GRAMD1B: variants seen among roughly 807,000 people sequenced by gnomAD.
GRAMD1B encodes protein Aster-B.
GRAMD1B carries 37 observed loss-of-function variants against 99.7 expected under a neutral mutation model. The ratio of observed to expected loss-of-function variants is 0.37; its 90% confidence interval spans 0.29 to 0.49. The LOEUF (loss-of-function observed/expected upper bound fraction) is 0.49. GRAMD1B is among the 20% of genes least tolerant of loss of function. The probability of loss-of-function intolerance (pLI) is 0.98; values close to 1 mark genes in which losing one functional copy is unlikely to be tolerated. For missense variants in GRAMD1B, 888 were observed against 1,009.2 expected (o/e 0.88, Z 1.63); for synonymous variants, 427 against 387.6 (o/e 1.10, Z -1.19).
In GRAMD1B at chr11:123,454,828, A is replaced by G. The variant is rs546776926; in HGVS notation, c.374+23662A>G. 6 of 152,336 alleles carry G rather than the reference A, an allele frequency of 3.9e-5. No homozygotes were observed. In the East Asian group the frequency reaches 1.2e-3, roughly 29 times the overall value. The allele number at this position is 152,336 out of a possible 1,614,324, so 9.4% of individuals were successfully genotyped here. A position where few individuals can be genotyped will look rare whatever the true frequency, so the allele number is the denominator to read the frequency against. ...AGTCTGAGGTTGTAAAGAAGAACCA[A>G]GGTAAGATTTAAAGATTGCCTCTGA... On this transcript the variant is annotated intron_variant, in intron 1 of 19. Coordinates refer to ENST00000635736, the MANE Select transcript of GRAMD1B (RefSeq NM_001387025.1).
chr11:123,370,000 A>G (rs1196905674), intron 1 of GRAMD1B, among the ~76,000 whole-genome samples: 1 of 151,874 alleles, frequency 6.6e-6, no homozygotes, highest in African/African-American at 2.4e-5. Flanking sequence ...GATGTGAAGG[A>G]CCCCTGGAAG....
Position 123,605,440 on chromosome 11 carries a change from A to G in GRAMD1B, c.1285A>G (p.Thr429Ala). Residue 429 changes from threonine (T) to alanine (A), a missense_variant, in exon 10 of 20, where the codon ACA becomes GCA. Physicochemically the swap from Thr to Ala is moderately conservative, Grantham distance 58. Around this residue, in one of 5 missense-constraint regions of GRAMD1B, gnomAD observed 269 missense variants for 296.6 expected, o/e 0.91. Transcript: ENST00000635736. Reference protein sequence around the residue: ...QLPKKSITNSTLTSTGSSEAP... With the variant: ...QLPKKSITNSALTSTGSSEAP... ...GCCCAAGAAATCCATCACCAACAGCACACTAACATCCACAGGGAGCAGTGA... is the reference window on the plus strand; with the variant it reads ...GCCCAAGAAATCCATCACCAACAGCGCACTAACATCCACAGGGAGCAGTGA... The G allele has an allele frequency of 1.9e-6, 3 of 1,613,276 alleles. No individual in the cohort carries two copies. Among genetic ancestry groups the G allele is most frequent in the Non-Finnish European group, 2.5e-6 (3 of 1,179,494 alleles).
At chr11:123,388,129 CAA>C (rs34085785) in intron 1 of GRAMD1B, among the ~76,000 whole-genome samples, 3,798 of 71,508 alleles carry the variant, frequency 0.053, 113 homozygotes, top group African/African-American at 0.17. Flanking sequence ...TCCTCCTCCT[CAA>C]AAAAAAAAAA....
At chr11:123,503,450 C>T (rs1012442478) in intron 2 of GRAMD1B, among the ~76,000 whole-genome samples, 2 of 152,188 alleles carry the variant, frequency 1.3e-5, no homozygotes, top group Admixed American at 1.3e-4. Flanking sequence ...ACCCCCCACC[C>T]ATACCCCTAA....
At chr11:123,530,465 C>T (rs1415288640) in intron 2 of GRAMD1B, among the ~76,000 whole-genome samples, 2 of 152,172 alleles carry the variant, frequency 1.3e-5, no homozygotes, top group East Asian at 1.9e-4. Context: ...GCAACTTCCC[C>T]GTCCCCCCGG....
chr11:123,608,523 C>T (rs1321138245), intron 11 of GRAMD1B, 136 bp from the exon 12 acceptor site: 1 of 1,541,804 alleles, frequency 6.5e-7, no homozygotes. Context: ...CTCAGCTGTC[C>T]TGCTCCGTGT....
intron 2 of GRAMD1B, among the ~76,000 whole-genome samples, chr11:123,569,425 C>A (rs532650718): frequency 9.8e-4 from 149 of 152,220 alleles, no homozygotes; most frequent in African/African-American, 3.5e-3. Flanking sequence ...TTGGGTCTGC[C>A]CTTCCCACCT....
intron 1 of GRAMD1B, among the ~76,000 whole-genome samples, chr11:123,452,335 G>T (rs969186132): frequency 1.3e-5 from 2 of 152,174 alleles, no homozygotes; most frequent in Admixed American, 1.3e-4. Context: ...TCTTGTGAAG[G>T]ACATTTTTTC....
intron 2 of GRAMD1B, among the ~76,000 whole-genome samples, chr11:123,557,416 G>C (rs955880593): frequency 6.6e-6 from 1 of 152,158 alleles, no homozygotes; most frequent in Non-Finnish European, 1.5e-5. Context: ...CACATACTTC[G>C]TGCATCTTAA....
At chr11:123,480,396 C>T (rs939173573) in intron 1 of GRAMD1B, among the ~76,000 whole-genome samples, 2 of 152,046 alleles carry the variant, frequency 1.3e-5, no homozygotes, top group Non-Finnish European at 2.9e-5. Flanking sequence ...CATCTCACAC[C>T]CTCCCCACAA....
chr11:123,441,013 T>C (rs2134263772), intron 1 of GRAMD1B, among the ~76,000 whole-genome samples: 1 of 152,264 alleles, frequency 6.6e-6, no homozygotes, highest in Middle Eastern at 3.4e-3. Context: ...AGATGTGCCT[T>C]TCACCTTCCA....
At chr11:123,559,568 T>C (rs765465703) in intron 2 of GRAMD1B, 1 of 519,822 alleles carries the variant, frequency 1.9e-6, no homozygotes, top group Non-Finnish European at 2.5e-6. Flanking sequence ...CTGCCAGAAC[T>C]TTCCTCTGGG....
chr11:123,383,450 C>T (rs914209433), intron 1 of GRAMD1B, among the ~76,000 whole-genome samples: 2 of 152,174 alleles, frequency 1.3e-5, no homozygotes, highest in Non-Finnish European at 2.9e-5. Flanking sequence ...TAATGTTAAA[C>T]TCCTTGCAAG....
chr11:123,511,997 A>G (rs1457377157), intron 2 of GRAMD1B, among the ~76,000 whole-genome samples: 1 of 152,254 alleles, frequency 6.6e-6, no homozygotes, highest in Admixed American at 6.5e-5. Context: ...CAGTTTTCTT[A>G]GAAAGGAGCC....
intron 1 of GRAMD1B, among the ~76,000 whole-genome samples, chr11:123,477,000 T>G (rs75819971): frequency 0.093 from 14,179 of 152,262 alleles, 754 homozygotes; most frequent in Middle Eastern, 0.15. Flanking sequence ...TTCTAAGCAC[T>G]TTGAGAGCAG....
intron 2 of GRAMD1B, among the ~76,000 whole-genome samples, chr11:123,547,722 A>G (rs1945157705): frequency 6.6e-6 from 1 of 152,144 alleles, no homozygotes; most frequent in South Asian, 2.1e-4. Flanking sequence ...GGGTTTTTAG[A>G]CCCACACTGT....
chr11:123,512,226 C>T (rs78441043), intron 2 of GRAMD1B, among the ~76,000 whole-genome samples: 2 of 152,174 alleles, frequency 1.3e-5, no homozygotes, highest in African/African-American at 4.8e-5. Flanking sequence ...GCAGTTTGCT[C>T]TCTGGTGGGA....
At chr11:123,368,557 G>A (rs145967023) in intron 1 of GRAMD1B, among the ~76,000 whole-genome samples, 6 of 151,634 alleles carry the variant, frequency 4.0e-5, no homozygotes, top group South Asian at 2.1e-4. Context: ...GTGTGTGCCT[G>A]TAATCCCAGC....
rs12283965 is a variant in GRAMD1B at position 123,424,658 on chromosome 11, T to C, written c.-175-56158T>C. Among the ~76,000 whole-genome samples the C allele has an allele frequency of 6.3e-3, 955 of 152,370 alleles. 10 individuals are homozygous for C. The highest frequency in any genetic ancestry group is 0.022 in the African/African-American group (916 of 41,590). On this transcript the variant is annotated intron_variant, in intron 1 of 20. Coordinates refer to the GRAMD1B transcript ENST00000638157. Reference sequence around the variant, plus strand: ...ACTGCTAACACCCTATTCTTTTTTATTGAAATTCTGACTTGAAGTATTAAC... The same window carrying C: ...ACTGCTAACACCCTATTCTTTTTTACTGAAATTCTGACTTGAAGTATTAAC...
Sources: allele counts gnomAD v4.1 joint callset (sites outside exome capture counted in the v4.1 genomes callset), GRCh38; gene constraint gnomAD v4.1.1; regional missense constraint gnomAD v4.1.1; transcripts MANE v1.5; gene names NCBI Gene and HGNC (gene_info 2026-07-23, HGNC 2026-07-21).